The following ARK2C variants were observed in gnomAD, a reference collection of about 807,000 sequenced individuals.
The protein encoded by ARK2C is E3 ubiquitin-protein ligase ARK2C.
the ARK2C span, among the ~76,000 whole-genome samples, chr18:46,407,557 TTTTTGTTTTG>T: frequency 6.6e-6 from 1 of 152,180 alleles, no homozygotes; most frequent in African/African-American, 2.4e-5. Flanking sequence ...GTTTAGTGTT[TTTTTGTTTTG>T]TTTTGTTTTG....
At chr18:46,340,586 C>T in the ARK2C span, among the ~76,000 whole-genome samples, 2 of 152,200 alleles carry the variant, frequency 1.3e-5, no homozygotes, top group African/African-American at 2.4e-5. Context: ...AATGGCAGAA[C>T]GTCCTGACTG....
the ARK2C span, among the ~76,000 whole-genome samples, chr18:46,419,347 C>T: frequency 3.3e-5 from 5 of 152,282 alleles, no homozygotes; most frequent in African/African-American, 1.2e-4. Flanking sequence ...AGCCTCTATA[C>T]TTTGTAAGAC....
chr18:46,348,452 C>G, the ARK2C span, among the ~76,000 whole-genome samples: 4 of 152,104 alleles, frequency 2.6e-5, no homozygotes, highest in African/African-American at 9.7e-5. Flanking sequence ...GAGCTAAGGG[C>G]TGAGGGTACA....
At chr18:46,391,134 C>T in the ARK2C span, among the ~76,000 whole-genome samples, 1,049 of 152,282 alleles carry the variant, frequency 6.9e-3, 5 homozygotes, top group Middle Eastern at 0.024. Context: ...GCACCAATCG[C>T]CTCCATAAAC....
At chr18:46,433,552 G>T in the ARK2C span, 1 of 1,512,400 alleles carries the variant, frequency 6.6e-7, no homozygotes, top group Non-Finnish European at 9.0e-7. Flanking sequence ...GGGGTCGGGT[G>T]AGGGGGCAGG....
the ARK2C span, among the ~76,000 whole-genome samples, chr18:46,430,352 G>A: frequency 2.0e-5 from 3 of 152,134 alleles, no homozygotes; most frequent in African/African-American, 7.2e-5. Context: ...TGACCTTCAT[G>A]GGACCTGTTG....
chr18:46,370,538 G>T, the ARK2C span, among the ~76,000 whole-genome samples: 1 of 152,148 alleles, frequency 6.6e-6, no homozygotes, highest in Non-Finnish European at 1.5e-5. Flanking sequence ...AAAACATTGT[G>T]TTCAGATTCA....
the ARK2C span, chr18:46,456,574 A>G: frequency 6.2e-7 from 1 of 1,614,166 alleles, no homozygotes; most frequent in Non-Finnish European, 8.5e-7. Context: ...GTGGCTCGCC[A>G]TGAGCAAGAA....
At chr18:46,365,726 A>G in the ARK2C span, among the ~76,000 whole-genome samples, 1 of 152,000 alleles carries the variant, frequency 6.6e-6, no homozygotes, top group Admixed American at 6.5e-5. Flanking sequence ...GCTGGTCTTG[A>G]ACTCCTGACT....
the ARK2C span, among the ~76,000 whole-genome samples, chr18:46,424,918 T>G: frequency 1.3e-5 from 2 of 152,226 alleles, no homozygotes; most frequent in Non-Finnish European, 2.9e-5. Flanking sequence ...GCTGGCTTTC[T>G]TTGCTGCTTG....
the ARK2C span, among the ~76,000 whole-genome samples, chr18:46,415,241 C>T: frequency 4.6e-5 from 7 of 152,286 alleles, no homozygotes; most frequent in South Asian, 8.3e-4. Context: ...TGAAGGAAGG[C>T]GAGGCACAGT....
At chr18:46,367,966 T>C in the ARK2C span, among the ~76,000 whole-genome samples, 1 of 152,214 alleles carries the variant, frequency 6.6e-6, no homozygotes. Flanking sequence ...CCAGTGAGTC[T>C]CCAAGTGTGG....
chr18:46,433,160 CATGGAGA>C, the ARK2C span: 1 of 1,525,684 alleles, frequency 6.6e-7, no homozygotes. Flanking sequence ...TGCTGGTCGT[CATGGAGA>C]TGTCTCTGTC....
the ARK2C span, among the ~76,000 whole-genome samples, chr18:46,449,357 T>C: frequency 6.6e-6 from 1 of 152,334 alleles, no homozygotes; most frequent in Middle Eastern, 3.4e-3. Flanking sequence ...TTGCATTTAT[T>C]TGACTTTAAA....
chr18:46,428,383 T>C, the ARK2C span, among the ~76,000 whole-genome samples: 1 of 152,074 alleles, frequency 6.6e-6, no homozygotes, highest in African/African-American at 2.4e-5. Flanking sequence ...CACTTCAGCC[T>C]GGTGACAGAG....
chr18:46,334,968 C>G, the ARK2C span: 1 of 151,928 alleles, frequency 6.6e-6, no homozygotes, highest in African/African-American at 2.4e-5. This position sits in a 1 kb window ranked among gnomAD's most constrained non-coding sequence, Gnocchi z 4.4. Context: ...CGCCCTTGTG[C>G]TATTGCCCTG....
At chr18:46,341,607 A>T in the ARK2C span, among the ~76,000 whole-genome samples, 2 of 152,176 alleles carry the variant, frequency 1.3e-5, no homozygotes, top group Non-Finnish European at 2.9e-5. Flanking sequence ...TGAGACTTCT[A>T]GTCCTTTACA....
the ARK2C span, among the ~76,000 whole-genome samples, chr18:46,390,573 G>GA: frequency 8.1e-3 from 1,232 of 151,954 alleles, 17 homozygotes; most frequent in African/African-American, 0.028. Context: ...AGCTTTGTGT[G>GA]AAAAAAAATA....
the ARK2C span, among the ~76,000 whole-genome samples, chr18:46,349,188 T>C: frequency 2.0e-5 from 3 of 152,186 alleles, no homozygotes; most frequent in Non-Finnish European, 4.4e-5. Flanking sequence ...ACATTTGGAC[T>C]GCAGTAACAA....
Sources: allele counts gnomAD v4.1 joint callset (sites outside exome capture counted in the v4.1 genomes callset), GRCh38; gene constraint gnomAD v4.1.1; non-coding constraint Gnocchi (gnomAD v3.1); transcripts MANE v1.5; gene names NCBI Gene and HGNC (gene_info 2026-07-23, HGNC 2026-07-21).